The following GRID2 variants were observed in gnomAD, a reference collection of about 807,000 sequenced individuals.
The protein encoded by GRID2 is glutamate ionotropic receptor delta type subunit 2.
Under a neutral mutation model 114.8 loss-of-function variants are expected in GRID2, and 33 were observed. The ratio of observed to expected loss-of-function variants is 0.29; its 90% confidence interval spans 0.22 to 0.38. The LOEUF (loss-of-function observed/expected upper bound fraction) is 0.38. Among genes scored for constraint, GRID2 ranks in the 10% least tolerant of loss-of-function variants. The pLI is 1.00. For missense variants in GRID2, 1,184 were observed against 1,257.7 expected, an observed-to-expected ratio of 0.94 and a Z score of 0.89; for synonymous variants, 505 against 449.9, an observed-to-expected ratio of 1.12 and a Z score of -1.55.
chr4:93,252,543 C>T (rs528913443), intron 8 of GRID2, among the ~76,000 whole-genome samples: 4 of 152,082 alleles, frequency 2.6e-5, no homozygotes, highest in South Asian at 2.1e-4. Context: ...ATTGTCTTGA[C>T]CATTTGGCTC....
At chr4:92,520,579 T>C (rs899079089) in intron 1 of GRID2, among the ~76,000 whole-genome samples, 1 of 151,954 alleles carries the variant, frequency 6.6e-6, no homozygotes, top group African/African-American at 2.4e-5. Flanking sequence ...TAGTTTTCCA[T>C]TGATCTTAAT....
intron 2 of GRID2, among the ~76,000 whole-genome samples, chr4:92,915,985 T>C (rs1401873878): frequency 6.6e-6 from 1 of 152,174 alleles, no homozygotes; most frequent in Admixed American, 6.6e-5. Flanking sequence ...ATCAGATGCA[T>C]ACTTTGCAAA....
intron 10 of GRID2, among the ~76,000 whole-genome samples, chr4:93,429,917 T>C (rs1282110675): frequency 6.6e-6 from 1 of 152,120 alleles, no homozygotes; most frequent in African/African-American, 2.4e-5. Context: ...ACATATAATA[T>C]TGGAGTATAA....
At chr4:93,805,786 G>T (rs1735016872) in intron 1 of GRID2, among the ~76,000 whole-genome samples, 1 of 152,200 alleles carries the variant, frequency 6.6e-6, no homozygotes, top group South Asian at 2.1e-4. Context: ...CAAGAAAAAG[G>T]GAAGTTTCTT....
intron 2 of GRID2, among the ~76,000 whole-genome samples, chr4:92,948,794 A>G (rs897629520): frequency 1.9e-4 from 29 of 152,068 alleles, no homozygotes; most frequent in African/African-American, 7.0e-4. Context: ...ATCTCTGAGA[A>G]CACAGAGATA....
chr4:92,380,496 C>T (rs1265570922), intron 1 of GRID2, among the ~76,000 whole-genome samples: 1 of 151,930 alleles, frequency 6.6e-6, no homozygotes, highest in Non-Finnish European at 1.5e-5. Context: ...TCCACCTCTA[C>T]ATATTTGATT....
chr4:93,370,340 A>C (rs966350045), intron 8 of GRID2, among the ~76,000 whole-genome samples: 1 of 151,654 alleles, frequency 6.6e-6, no homozygotes, highest in South Asian at 2.1e-4. Flanking sequence ...ATCACTTAAC[A>C]TTCCTCTCCT....
chr4:93,679,484 A>G (rs1469860921), intron 14 of GRID2, among the ~76,000 whole-genome samples: 4 of 150,876 alleles, frequency 2.7e-5, no homozygotes, highest in Admixed American at 6.6e-5. Context: ...CATTTTTTTC[A>G]GCACCACACC....
At chr4:93,049,126 G>A (rs1196288627) in intron 2 of GRID2, among the ~76,000 whole-genome samples, 1 of 151,846 alleles carries the variant, frequency 6.6e-6, no homozygotes, top group Non-Finnish European at 1.5e-5. Context: ...GGAATTAAGG[G>A]CTCCACAAAG....
chr4:93,273,289 A>G (rs1257167787), intron 8 of GRID2, among the ~76,000 whole-genome samples: 1 of 152,188 alleles, frequency 6.6e-6, no homozygotes, highest in Non-Finnish European at 1.5e-5. Context: ...CTTTACTTCT[A>G]AGGTATCCCA....
chr4:92,723,519 C>T lies in GRID2; in HGVS notation c.244+133233C>T, dbSNP rs577334639. 1.1e-4 allele frequency among the ~76,000 whole-genome samples: 17 copies of T among 152,208 alleles called. No individual in the cohort carries two copies. In the South Asian group the frequency reaches 3.1e-3, roughly 28 times the overall value. On this transcript the variant is annotated intron_variant, in intron 2 of 15. Transcript: ENST00000282020. ...TCTTGCCTACAGCTCAGAAACTTGA[C>T]AGAAATATGTCTTTTTTCATGAAAC...
rs114685481 is a variant in GRID2, at chr4:93,705,620, C to A, written c.2361-63590C>A. Among the ~76,000 whole-genome samples the A allele has an allele frequency of 2.6e-3, 403 of 152,094 alleles. 4 individuals carry two copies. Among genetic ancestry groups the A allele is most frequent in the African/African-American group, 9.3e-3 (385 of 41,506 alleles). On this transcript the variant is annotated intron_variant, in intron 14 of 15. Transcript: ENST00000282020. The stretch of plus-strand genomic sequence containing the variant: ...ATGGATAGTTTGCAAATATTTTTCC[C>A]CATTTTGTGGGTTATTTCTTCACTT...
intron 1 of GRID2, among the ~76,000 whole-genome samples, chr4:92,516,696 C>G (rs1355749575): frequency 6.6e-6 from 1 of 151,718 alleles, no homozygotes; most frequent in Non-Finnish European, 1.5e-5. Context: ...AGAGGAGGTG[C>G]CAGGCAAACA....
intron 4 of GRID2, among the ~76,000 whole-genome samples, chr4:93,174,280 C>T (rs534991040): frequency 6.6e-6 from 1 of 152,144 alleles, no homozygotes; most frequent in Non-Finnish European, 1.5e-5. Context: ...CCCCAAAACC[C>T]CAACCCTGAC....
chr4:92,398,325 A>G (rs1173651533), intron 1 of GRID2, among the ~76,000 whole-genome samples: 1 of 152,132 alleles, frequency 6.6e-6, no homozygotes, highest in Non-Finnish European at 1.5e-5. Flanking sequence ...GACAGGAATT[A>G]ATTTGAAACC....
chr4:93,419,916 G>A (rs1191958008), intron 9 of GRID2, among the ~76,000 whole-genome samples: 1 of 152,054 alleles, frequency 6.6e-6, no homozygotes, highest in Non-Finnish European at 1.5e-5. Context: ...CATATACATT[G>A]GGACAGTATT....
At chr4:93,143,047 C>A (rs1437555706) in intron 4 of GRID2, among the ~76,000 whole-genome samples, 1 of 152,160 alleles carries the variant, frequency 6.6e-6, no homozygotes, top group African/African-American at 2.4e-5. Flanking sequence ...AAACTCAAAT[C>A]TTTTATAATA....
intron 1 of GRID2, among the ~76,000 whole-genome samples, chr4:92,410,526 G>T (rs1376297081): frequency 6.6e-6 from 1 of 152,132 alleles, no homozygotes; most frequent in Non-Finnish European, 1.5e-5. Flanking sequence ...AGGATCTCTG[G>T]CTTCACAGAG....
intron 2 of GRID2, among the ~76,000 whole-genome samples, chr4:92,918,600 T>G (rs1348502679): frequency 6.6e-6 from 1 of 152,108 alleles, no homozygotes; most frequent in African/African-American, 2.4e-5. Context: ...CTGCATCTAT[T>G]GAGATAATCA....
Sources: allele counts gnomAD v4.1 joint callset (sites outside exome capture counted in the v4.1 genomes callset), GRCh38; gene constraint gnomAD v4.1.1; transcripts MANE v1.5; gene names NCBI Gene and HGNC (gene_info 2026-07-23, HGNC 2026-07-21).